Variants in TRHDE observed in about 807,000 individuals in gnomAD.
The protein encoded by TRHDE is thyrotropin releasing hormone degrading enzyme.
A neutral mutation model predicts 125.7 loss-of-function variants in TRHDE; 72 were observed. The observed-to-expected ratio is 0.57, with a 90% confidence interval of 0.47 to 0.70. The LOEUF (loss-of-function observed/expected upper bound fraction) is 0.70. Ranked by LOEUF, TRHDE falls within the 30% of genes least tolerant of loss-of-function variation. The pLI is 0.00. For synonymous variants in TRHDE, 509 were observed against 509.1 expected (o/e 1.00, Z 0.00); for missense variants, 1,110 against 1,327.1 (o/e 0.84, Z 2.54).
chr12:72,260,488 G>A (rs1264626295), intron 2 of TRHDE, among the ~76,000 whole-genome samples: 1 of 152,104 alleles, frequency 6.6e-6, no homozygotes, highest in Admixed American at 6.5e-5. Context: ...GGGAGCAACT[G>A]GACACGGGAG....
chr12:72,334,083 A>C (rs530861912), intron 2 of TRHDE, among the ~76,000 whole-genome samples: 2 of 152,182 alleles, frequency 1.3e-5, no homozygotes, highest in East Asian at 3.9e-4. Context: ...GAAGAGCAGC[A>C]GTGGCTTCTA....
At chr12:72,302,798 G>T (rs921347592) in intron 2 of TRHDE, among the ~76,000 whole-genome samples, 1 of 152,146 alleles carries the variant, frequency 6.6e-6, no homozygotes, top group Non-Finnish European at 1.5e-5. Context: ...GCTGAGGAAG[G>T]CTTTACCTTT....
At chr12:72,379,454 G>C (rs1014450591) in intron 3 of TRHDE, among the ~76,000 whole-genome samples, 2 of 152,202 alleles carry the variant, frequency 1.3e-5, no homozygotes, top group Non-Finnish European at 2.9e-5. Flanking sequence ...ACCCAAGGCA[G>C]AAAGGAATAC....
intron 5 of TRHDE, among the ~76,000 whole-genome samples, chr12:72,489,652 A>G (rs907732045): frequency 1.4e-4 from 22 of 152,044 alleles, no homozygotes; most frequent in Admixed American, 3.9e-4. Context: ...AGACACATAG[A>G]CCAGTGGAAA....
chr12:72,090,964 G>A (rs966424258), intron 1 of TRHDE, among the ~76,000 whole-genome samples: 9 of 151,708 alleles, frequency 5.9e-5, no homozygotes, highest in African/African-American at 1.9e-4. Flanking sequence ...TCTAACTTCT[G>A]GGCTGCAGCA....
At chr12:72,628,302 C>T (rs1873343388) in intron 15 of TRHDE, among the ~76,000 whole-genome samples, 1 of 151,814 alleles carries the variant, frequency 6.6e-6, no homozygotes, top group Non-Finnish European at 1.5e-5. Flanking sequence ...GTTCACTTCC[C>T]TGCAGAATGG....
chr12:72,551,767 A>G (rs1869684829), intron 7 of TRHDE, among the ~76,000 whole-genome samples: 1 of 150,674 alleles, frequency 6.6e-6, no homozygotes, highest in Non-Finnish European at 1.5e-5. Flanking sequence ...ACAAATAAAT[A>G]TATTTTTTTG....
chr12:72,248,811 T>C (rs1878626468), intron 2 of TRHDE, among the ~76,000 whole-genome samples: 1 of 152,216 alleles, frequency 6.6e-6, no homozygotes, highest in Non-Finnish European at 1.5e-5. Flanking sequence ...CAGTTAATGC[T>C]TTTGCCTTGG....
chr12:72,638,544 A>G (rs1873873928), intron 15 of TRHDE, among the ~76,000 whole-genome samples: 1 of 150,770 alleles, frequency 6.6e-6, no homozygotes, highest in African/African-American at 2.4e-5. Flanking sequence ...TGATCCTGTC[A>G]TTATGATGTT....
intron 2 of TRHDE, among the ~76,000 whole-genome samples, chr12:72,115,556 C>T (rs1302572638): frequency 1.3e-5 from 2 of 152,060 alleles, no homozygotes; most frequent in Non-Finnish European, 2.9e-5. Flanking sequence ...TTCTTTTGAG[C>T]ATATTCCTAA....
intron 2 of TRHDE, among the ~76,000 whole-genome samples, chr12:72,326,858 T>C (rs1869363507): frequency 6.6e-6 from 1 of 152,190 alleles, no homozygotes; most frequent in Admixed American, 6.5e-5. Flanking sequence ...CTTTTTTCAT[T>C]TTGACTTAAA....
At position 72,592,208 on chromosome 12, in the gene TRHDE, TTCTTC is replaced by T. The variant is rs1380962899; in HGVS notation, c.2321+16672_2321+16676del. Among the ~76,000 whole-genome samples, 4 of 152,316 alleles carry T rather than the reference TTCTTC, an allele frequency of 2.6e-5. No individual in the cohort carries two copies. In the East Asian group the frequency reaches 7.7e-4, roughly 29 times the overall value. ...ATAGATCTCTTTCCAAATTTACCTT[TTCTTC>T]TCTTCATTTCCCCCATGTTCAACCA... On this transcript the variant is annotated intron_variant, in intron 12 of 18. Coordinates refer to ENST00000261180, the MANE Select transcript of TRHDE (RefSeq NM_013381.3).
At chr12:72,363,264 T>C (rs941433170) in intron 2 of TRHDE, among the ~76,000 whole-genome samples, 7 of 151,742 alleles carry the variant, frequency 4.6e-5, no homozygotes, top group African/African-American at 1.7e-4. Flanking sequence ...CCTCCCCAAC[T>C]CATTTTATGA....
chr12:72,377,121 A>C (rs59453187), intron 2 of TRHDE, among the ~76,000 whole-genome samples: 170 of 152,284 alleles, frequency 1.1e-3, no homozygotes, highest in African/African-American at 3.9e-3. Flanking sequence ...TGCTCCACAA[A>C]ATACATATTT....
intron 6 of TRHDE, among the ~76,000 whole-genome samples, chr12:72,520,347 G>C (rs901912970): frequency 7.9e-5 from 12 of 152,186 alleles, no homozygotes; most frequent in Admixed American, 5.9e-4. Flanking sequence ...CTCGTGGTGC[G>C]CCATTTTTTA....
chr12:72,470,239 G>C (rs899286564), intron 4 of TRHDE, among the ~76,000 whole-genome samples: 1 of 152,176 alleles, frequency 6.6e-6, no homozygotes, highest in Non-Finnish European at 1.5e-5. Context: ...GTGTATATAT[G>C]GTAAGTGCAG....
chr12:72,193,004 T>C (rs775473764), intron 2 of TRHDE, among the ~76,000 whole-genome samples: 4 of 152,118 alleles, frequency 2.6e-5, no homozygotes, highest in Non-Finnish European at 4.4e-5. Context: ...ATACTTTATC[T>C]GAAAGAAATT....
At position 72,563,025 on chromosome 12, in the gene TRHDE, A is replaced by G. The variant is rs150205223; in HGVS notation, c.2027A>G (p.Lys676Arg). The G allele has an allele frequency of 2.5e-4, 405 of 1,595,776 alleles. No homozygotes were observed. The highest frequency in any genetic ancestry group is 3.4e-4 in the Non-Finnish European group (397 of 1,171,054). ...ATCAGTGCTAAAACTAAAGCACTTA[A>G]ACTTCAGAATAACAGGTATGACATT... ...YDISAKTKAL[K>R]LQNNSYLWQI... Residue 676 changes from lysine to arginine, a missense_variant, in exon 9 of 19, where the codon AAA becomes AGA. Physicochemically the swap from Lys to Arg is conservative, Grantham distance 26. This residue lies in a region of TRHDE where 527 missense variants were observed against 651.8 expected (regional missense o/e 0.81). Transcript: ENST00000261180.
chr12:72,275,724 TC>T (rs1879463436), intron 1 of TRHDE, among the ~76,000 whole-genome samples: 1 of 152,198 alleles, frequency 6.6e-6, no homozygotes, highest in Admixed American at 6.5e-5. Context: ...TTAACAGGAC[TC>T]TTAAAAAGAC....
Sources: gnomAD v4.1 joint callset for allele counts (sites outside exome capture counted in the v4.1 genomes callset) on GRCh38, gnomAD v4.1.1 for gene constraint, gnomAD v4.1.1 regional missense constraint, MANE v1.5 for transcripts, NCBI Gene and HGNC (gene_info 2026-07-23, HGNC 2026-07-21) for gene names.